USH2A: variants seen among roughly 807,000 people sequenced by gnomAD.
USH2A encodes the protein usherin.
USH2A carries 443 observed loss-of-function variants against 538.9 expected under a neutral mutation model. The observed-to-expected ratio is 0.82, with a 90% CI of 0.76 to 0.89. The LOEUF is 0.89. Ranked by LOEUF, USH2A falls within the 40% of genes least tolerant of loss-of-function variation. The pLI is 0.00. For synonymous variants in USH2A, 2,413 were observed against 2,273.5 expected (o/e 1.06, Z -1.75); for missense variants, 6,633 against 6,324.8 (o/e 1.05, Z -1.65).
chr1:215,870,409 C>T (rs1664596477), intron 43 of USH2A, among the ~76,000 whole-genome samples: 1 of 151,512 alleles, frequency 6.6e-6, no homozygotes, highest in African/African-American at 2.4e-5. Flanking sequence ...ATTCTCCTGC[C>T]TCAGCCTTGA....
At chr1:215,889,156 G>A in intron 40 of USH2A, 102 bp from the exon 41 acceptor site, 1 of 1,393,412 alleles carries the variant, frequency 7.2e-7, no homozygotes, top group South Asian at 1.2e-5. Context: ...ATATGAAAAT[G>A]AACACTTGGT....
At chr1:215,809,618 A>T (rs1662606595) in intron 49 of USH2A, among the ~76,000 whole-genome samples, 1 of 152,142 alleles carries the variant, frequency 6.6e-6, no homozygotes, top group Non-Finnish European at 1.5e-5. Flanking sequence ...CTCTCTAAAA[A>T]CTACCATGCA....
At position 215,743,194 on chromosome 1, in the gene USH2A, A is replaced by G. The variant is rs1210976361; in HGVS notation, c.11531T>C (p.Ile3844Thr). Residue 3844 changes from isoleucine to threonine, a missense_variant, in exon 59 of 72, where the codon ATA becomes ACA. Physicochemically the swap from Ile to Thr is moderately conservative, Grantham distance 89 (BLOSUM62 -1). Transcript: ENST00000307340. ...LTPFTQYEIR[I>T]QACQNGSCGV... is the part of the protein sequence containing the mutation. ...ACTTTCACCATTTTGACATGCTTGT[A>G]TCCTTATCTCATACTGTGTGAATGG... The G allele has an allele frequency of 1.9e-6, 3 of 1,611,198 alleles. No individual in the cohort carries two copies. Among genetic ancestry groups the G allele is most frequent in the Non-Finnish European group, 2.5e-6 (3 of 1,178,524 alleles).
At chr1:216,233,564 T>G (rs1243327773) in intron 13 of USH2A, among the ~76,000 whole-genome samples, 1 of 151,852 alleles carries the variant, frequency 6.6e-6, no homozygotes, top group Non-Finnish European at 1.5e-5. Context: ...CCAAACACAT[T>G]CGATGAACAA....
At chr1:215,701,171 G>A (rs1659002222) in intron 61 of USH2A, among the ~76,000 whole-genome samples, 1 of 152,318 alleles carries the variant, frequency 6.6e-6, no homozygotes, top group African/African-American at 2.4e-5. Flanking sequence ...TGTTCTGAGA[G>A]ACTGTTATGA....
At chr1:216,370,696 A>AAAAAAAAAAAAAAAAAAAAAAAAC (rs2038696448) in intron 3 of USH2A, among the ~76,000 whole-genome samples, 1 of 150,714 alleles carries the variant, frequency 6.6e-6, no homozygotes, top group Admixed American at 6.6e-5. Context: ...AAAAAAAAAA[A>AAAAAAAAAAAAAAAAAAAAAAAAC]AAAAAATACT....
chr1:216,181,650 A>G (rs1171453469), intron 20 of USH2A, among the ~76,000 whole-genome samples: 1 of 152,110 alleles, frequency 6.6e-6, no homozygotes, highest in Non-Finnish European at 1.5e-5. Flanking sequence ...AGCAGCAATG[A>G]TGACAGCAAC....
intron 32 of USH2A, among the ~76,000 whole-genome samples, chr1:216,032,943 C>T (rs1386726638): frequency 6.6e-6 from 1 of 152,130 alleles, no homozygotes; most frequent in Non-Finnish European, 1.5e-5. Context: ...CTTGTAAAGC[C>T]CTAATTACGA....
chr1:215,803,220 C>T (rs988088974), intron 49 of USH2A, among the ~76,000 whole-genome samples: 1 of 152,120 alleles, frequency 6.6e-6, no homozygotes, highest in African/African-American at 2.4e-5. Flanking sequence ...TGAAAACGGG[C>T]ACAAGACAGG....
intron 61 of USH2A, among the ~76,000 whole-genome samples, chr1:215,724,476 G>C (rs1465888099): frequency 1.3e-5 from 2 of 151,872 alleles, no homozygotes; most frequent in East Asian, 1.9e-4. Context: ...AGGGAGGGAG[G>C]GAGCAGGGTG....
At chr1:216,203,234 TATATACAC>T (rs906743168) in intron 16 of USH2A, among the ~76,000 whole-genome samples, 18 of 151,794 alleles carry the variant, frequency 1.2e-4, no homozygotes, top group Non-Finnish European at 1.0e-4. Flanking sequence ...TATATGTATA[TATATACAC>T]ATATACACAT....
intron 21 of USH2A, among the ~76,000 whole-genome samples, chr1:216,114,361 T>A (rs1452047866): frequency 6.6e-6 from 1 of 152,118 alleles, no homozygotes; most frequent in South Asian, 2.1e-4. Context: ...ACACATGGGT[T>A]ATATCATCCA....
At chr1:215,642,292 T>C (rs76417240) in intron 67 of USH2A, among the ~76,000 whole-genome samples, 45 of 152,306 alleles carry the variant, frequency 3.0e-4, no homozygotes, top group South Asian at 8.3e-4. Flanking sequence ...TCCTAATTTT[T>C]GGGGTGAGAA....
At chr1:215,881,634 A>C (rs960137416) in intron 41 of USH2A, among the ~76,000 whole-genome samples, 1 of 152,230 alleles carries the variant, frequency 6.6e-6, no homozygotes, top group Non-Finnish European at 1.5e-5. Context: ...CATCCCTAAA[A>C]ATTCAGACAA....
intron 38 of USH2A, among the ~76,000 whole-genome samples, chr1:215,933,106 C>T (rs923568965): frequency 1.3e-4 from 19 of 151,724 alleles, no homozygotes; most frequent in African/African-American, 1.9e-4. Flanking sequence ...AAAATAAACA[C>T]GCTTATTAAA....
rs774634733 is a variant in USH2A at position 215,993,113 on chromosome 1, C to T, written c.6712G>A (p.Glu2238Lys). The change falls in exon 35 of 72, where the codon GAG (glutamate) becomes AAG (lysine). Residue 2238 changes from glutamate to lysine, a missense_variant. Physicochemically the swap from Glu to Lys is moderately conservative, Grantham distance 56 (BLOSUM62 1). Transcript: ENST00000307340. ...VSEASEALTD[E>K]DIPEGVPAPK... ...GCTGGCACGCCTTCGGGTATGTCCTCGTCAGTTAGGGCCTCACTGGCCTCA... is the reference window on the plus strand; with the variant it reads ...GCTGGCACGCCTTCGGGTATGTCCTTGTCAGTTAGGGCCTCACTGGCCTCA... The T allele has an allele frequency of 7.4e-6, 12 of 1,613,904 alleles. No individual in the cohort carries two copies. The highest frequency in any genetic ancestry group is 5.0e-5 in the Admixed American group (3 of 59,990).
intron 32 of USH2A, among the ~76,000 whole-genome samples, chr1:216,026,947 T>A (rs1361625804): frequency 3.3e-5 from 5 of 152,190 alleles, no homozygotes; most frequent in Admixed American, 2.6e-4. Context: ...ACAGGCATTC[T>A]TGAAAATATT....
At chr1:216,044,728 C>T (rs1273386509) in intron 32 of USH2A, among the ~76,000 whole-genome samples, 1 of 152,136 alleles carries the variant, frequency 6.6e-6, no homozygotes, top group African/African-American at 2.4e-5. Flanking sequence ...TTCTTCAACA[C>T]AGCCGGAATG....
intron 69 of USH2A, among the ~76,000 whole-genome samples, chr1:215,637,706 C>T (rs573668757): frequency 6.6e-6 from 1 of 152,112 alleles, no homozygotes; most frequent in South Asian, 2.1e-4. Flanking sequence ...GTTATTTTTA[C>T]AAATTGAAAC....
Sources: gnomAD v4.1 joint callset for allele counts (sites outside exome capture counted in the v4.1 genomes callset) on GRCh38, gnomAD v4.1.1 for gene constraint, MANE v1.5 for transcripts, NCBI Gene and HGNC (gene_info 2026-07-23, HGNC 2026-07-21) for gene names.